Variants in AGBL4 observed in about 807,000 individuals in gnomAD.
AGBL4 encodes AGBL carboxypeptidase 4.
Under a neutral mutation model 66.4 loss-of-function variants are expected in AGBL4, and 58 were observed. The observed-to-expected ratio is 0.87, with a 90% CI of 0.71 to 1.09. AGBL4 has a LOEUF of 1.09. AGBL4 is among the 50% of genes least tolerant of loss of function. The pLI is 0.00. For missense variants in AGBL4, 579 were observed against 631.0 expected (o/e 0.92, Z 0.88); for synonymous variants, 234 against 222.9 (o/e 1.05, Z -0.44).
At chr1:49,962,530 T>C (rs1408938467) in intron 1 of AGBL4, among the ~76,000 whole-genome samples, 1 of 152,160 alleles carries the variant, frequency 6.6e-6, no homozygotes, top group Non-Finnish European at 1.5e-5. Context: ...GAATCTTATA[T>C]TGTACCTAAC....
chr1:50,019,168 T>C (rs1462145378), intron 1 of AGBL4, among the ~76,000 whole-genome samples: 2 of 152,008 alleles, frequency 1.3e-5, no homozygotes, highest in Admixed American at 6.6e-5. Context: ...TTCTGAAATA[T>C]ATTTGCATCC....
intron 5 of AGBL4, among the ~76,000 whole-genome samples, chr1:48,969,782 T>C (rs1197896035): frequency 6.6e-6 from 1 of 152,176 alleles, no homozygotes; most frequent in Non-Finnish European, 1.5e-5. Context: ...ATCTACCCTA[T>C]AGGATTGCTG....
chr1:48,828,378 T>A (rs1345578128), intron 6 of AGBL4, among the ~76,000 whole-genome samples: 1 of 152,062 alleles, frequency 6.6e-6, no homozygotes, highest in Admixed American at 6.6e-5. Flanking sequence ...CAAGGCTCTA[T>A]CTTTTGCTAG....
intron 2 of AGBL4, among the ~76,000 whole-genome samples, chr1:49,828,846 G>A (rs910228561): frequency 9.9e-5 from 15 of 152,042 alleles, no homozygotes; most frequent in African/African-American, 3.4e-4. Flanking sequence ...CGAGGCGGGC[G>A]GATCACGAGG....
intron 3 of AGBL4, among the ~76,000 whole-genome samples, chr1:49,658,849 G>A (rs1646207758): frequency 6.6e-6 from 1 of 151,626 alleles, no homozygotes; most frequent in Non-Finnish European, 1.5e-5. Context: ...CACACACCGG[G>A]GCCTGTTGTG....
At chr1:49,314,218 T>C (rs751446776) in intron 3 of AGBL4, among the ~76,000 whole-genome samples, 1 of 152,238 alleles carries the variant, frequency 6.6e-6, no homozygotes, top group Middle Eastern at 3.4e-3. Context: ...TTCTGTTCCA[T>C]TGGTCTATGT....
chr1:49,170,897 T>C (rs1646726626), intron 4 of AGBL4, among the ~76,000 whole-genome samples: 1 of 152,180 alleles, frequency 6.6e-6, no homozygotes, highest in African/African-American at 2.4e-5. Context: ...GCTGGGTAGT[T>C]TGACAGCTTC....
chr1:48,759,170 C>T, intron 6 of AGBL4: 1 of 1,614,164 alleles, frequency 6.2e-7, no homozygotes, highest in Non-Finnish European at 8.5e-7. Context: ...TCCACGAAGA[C>T]CTCTTCCGGA....
In AGBL4 at chr1:49,233,444, G is replaced by T. The variant is rs573290167; in HGVS notation, c.377+12326C>A. On this transcript the variant is annotated intron_variant, in intron 4 of 13. Transcript: ENST00000371839. ...TGAGGCTCAGAGGGCCAAGGAAAGT[G>T]CCCAAGACTGGCAGAACTGGGATAC... Among the ~76,000 whole-genome samples, 4 of 152,322 alleles carry T rather than the reference G, an allele frequency of 2.6e-5. No individual in the cohort carries two copies. In the South Asian group the frequency reaches 8.3e-4, roughly 32 times the overall value.
intron 3 of AGBL4, among the ~76,000 whole-genome samples, chr1:49,382,812 C>T (rs540011268): frequency 6.8e-4 from 104 of 152,210 alleles, no homozygotes; most frequent in Non-Finnish European, 1.2e-3. Context: ...AAAAATTTAG[C>T]AAAGTTGCAG....
intron 3 of AGBL4, among the ~76,000 whole-genome samples, chr1:49,613,572 C>T (rs1360054491): frequency 6.6e-6 from 1 of 152,134 alleles, no homozygotes; most frequent in Non-Finnish European, 1.5e-5. Context: ...CATAGGAGTA[C>T]AAACCCTATT....
intron 3 of AGBL4, among the ~76,000 whole-genome samples, chr1:49,482,261 G>C (rs1277977516): frequency 6.6e-6 from 1 of 151,888 alleles, no homozygotes; most frequent in Non-Finnish European, 1.5e-5. Context: ...ATCTGGTCCT[G>C]GGTAGGTAGG....
intron 3 of AGBL4, among the ~76,000 whole-genome samples, chr1:49,656,238 AT>A (rs968966741): frequency 3.3e-5 from 5 of 152,220 alleles, no homozygotes; most frequent in African/African-American, 1.2e-4. Context: ...CTCTACGCAA[AT>A]AAACTAGAAA....
intron 9 of AGBL4, among the ~76,000 whole-genome samples, chr1:48,605,025 T>C (rs1214968201): frequency 2.0e-5 from 3 of 152,236 alleles, no homozygotes; most frequent in Non-Finnish European, 2.9e-5. Context: ...ACACATGAAA[T>C]ACTATCAACA....
intron 8 of AGBL4, 95 bp from the exon 9 acceptor site, chr1:48,634,699 C>A (rs1009391762): frequency 1.3e-6 from 1 of 772,026 alleles, no homozygotes; most frequent in Non-Finnish European, 2.0e-6. Flanking sequence ...GTGATTATGT[C>A]ACTTACCTAG....
intron 4 of AGBL4, among the ~76,000 whole-genome samples, chr1:49,224,598 C>A (rs935799827): frequency 8.0e-6 from 1 of 125,466 alleles, no homozygotes; most frequent in African/African-American, 3.1e-5. Flanking sequence ...GCCTTGGCAA[C>A]AGAGCGAGAC....
At chr1:49,900,079 T>G (rs1382663799) in intron 1 of AGBL4, among the ~76,000 whole-genome samples, 1 of 151,626 alleles carries the variant, frequency 6.6e-6, no homozygotes, top group Non-Finnish European at 1.5e-5. Context: ...GTAGAAGGAA[T>G]GGGTTGAAGA....
At chr1:49,583,152 C>T (rs946475162) in intron 3 of AGBL4, among the ~76,000 whole-genome samples, 2 of 152,068 alleles carry the variant, frequency 1.3e-5, no homozygotes, top group Non-Finnish European at 2.9e-5. Context: ...ATATTTTGTT[C>T]CAATGAAGGA....
rs1645615186 is a variant in AGBL4 at position 49,345,315 on chromosome 1, C to T, written c.283-99451G>A. Among the ~76,000 whole-genome samples, 5 of 152,174 alleles carry T rather than the reference C, an allele frequency of 3.3e-5. No individual in the cohort carries two copies. The South Asian group carries it at 1.0e-3, about 32-fold the overall frequency. On this transcript the variant is annotated intron_variant, in intron 3 of 13. Transcript: ENST00000371839. ...ATGTGCAACAGAGATAATAAAATTT[C>T]CTTGTCAATTGTGTCTTTGACTGTG...
Sources: allele counts gnomAD v4.1 joint callset (sites outside exome capture counted in the v4.1 genomes callset), GRCh38; gene constraint gnomAD v4.1.1; transcripts MANE v1.5; gene names NCBI Gene and HGNC (gene_info 2026-07-23, HGNC 2026-07-21).